The following ZBTB44 variants were observed in gnomAD, a reference collection of about 807,000 sequenced individuals.
ZBTB44 encodes zinc finger and BTB domain-containing protein 44.
A neutral mutation model predicts 54.0 loss-of-function variants in ZBTB44; 15 were observed. The ratio of observed to expected loss-of-function variants is 0.28; its 90% CI spans 0.19 to 0.43. ZBTB44 has a LOEUF of 0.43. ZBTB44 is among the 20% of genes least tolerant of loss of function. The pLI, the probability that ZBTB44 is intolerant of heterozygous loss-of-function variation, is 1.00. For synonymous variants in ZBTB44, 230 were observed against 250.1 expected (o/e 0.92, Z 0.76); for missense variants, 487 against 707.1 (o/e 0.69, Z 3.53).
intron 1 of ZBTB44, among the ~76,000 whole-genome samples, chr11:130,286,383 T>A (rs1940962048): frequency 6.6e-6 from 1 of 152,156 alleles, no homozygotes; most frequent in Non-Finnish European, 1.5e-5. Flanking sequence ...TTAAAAAAAA[T>A]CTATTAATTT....
At chr11:130,260,719 C>G in intron 2 of ZBTB44, 137 bp downstream of exon 2, 1 of 1,024,710 alleles carries the variant, frequency 9.8e-7, no homozygotes, top group Non-Finnish European at 1.4e-6. Context: ...AATAGCATCT[C>G]AAGCAAATCC....
At chr11:130,300,761 T>C (rs1029515478) in intron 1 of ZBTB44, among the ~76,000 whole-genome samples, 1 of 152,030 alleles carries the variant, frequency 6.6e-6, no homozygotes, top group African/African-American at 2.4e-5. Context: ...TATAATAGCA[T>C]ATAAGAAAAA....
Position 130,230,331 on chromosome 11 carries a change from G to GTAAC in ZBTB44, c.*1429_*1432dup, listed in dbSNP as rs1953828946. The GTAAC allele has an allele frequency of 6.6e-6, 1 of 150,722 alleles. No homozygotes were observed. The highest frequency in any genetic ancestry group is 2.4e-5 in the African/African-American group (1 of 41,096). 9.3% of individuals were successfully genotyped at this position (150,722 alleles called of 1,614,324 possible). A position where few individuals can be genotyped will look rare whatever the true frequency, so the allele number is the denominator to read the frequency against. On this transcript the variant is annotated 3_prime_UTR_variant, in exon 8 of 8. Transcript: ENST00000357899. ...CCTGAACCAGCCTATTAGTTAGAAG[G>GTAAC]TAACTGAGTTACCAATAATTATGGA...
At chr11:130,239,339 A>T (rs1565644926) in intron 3 of ZBTB44, 1 of 153,454 alleles carries the variant, frequency 6.5e-6, no homozygotes, top group Non-Finnish European at 1.4e-5. Context: ...TTTATGTGGA[A>T]ATATCAAGCA....
At chr11:130,243,244 T>C (rs1431038484) in intron 2 of ZBTB44, among the ~76,000 whole-genome samples, 1 of 152,240 alleles carries the variant, frequency 6.6e-6, no homozygotes, top group Non-Finnish European at 1.5e-5. Context: ...ATTTTTTTTT[T>C]CCTGTTGGTT....
intron 2 of ZBTB44, among the ~76,000 whole-genome samples, chr11:130,258,513 C>T (rs1173956433): frequency 6.6e-6 from 1 of 152,176 alleles, no homozygotes; most frequent in Non-Finnish European, 1.5e-5. Flanking sequence ...AGACTCCTTA[C>T]TACCTACCAC....
intron 5 of ZBTB44, chr11:130,235,974 A>C (rs1179245723): frequency 4.5e-6 from 4 of 880,892 alleles, no homozygotes; most frequent in Non-Finnish European, 5.8e-6. Flanking sequence ...TCTCAAAAAA[A>C]AAAAAAAGAA....
intron 1 of ZBTB44, among the ~76,000 whole-genome samples, chr11:130,290,879 G>T (rs904315034): frequency 4.6e-5 from 7 of 152,082 alleles, no homozygotes; most frequent in Non-Finnish European, 5.9e-5. Flanking sequence ...ATATCCTGAT[G>T]GTAAACTTTC....
At chr11:130,293,695 T>C (rs1013475527) in intron 1 of ZBTB44, among the ~76,000 whole-genome samples, 2 of 148,934 alleles carry the variant, frequency 1.3e-5, no homozygotes, top group East Asian at 2.0e-4. Flanking sequence ...ACTTGGGAGG[T>C]TGAGGCAGGA....
At chr11:130,249,490 T>C (rs1325586340) in intron 2 of ZBTB44, among the ~76,000 whole-genome samples, 1 of 152,194 alleles carries the variant, frequency 6.6e-6, no homozygotes, top group Non-Finnish European at 1.5e-5. Context: ...AGAAAGACAC[T>C]ACGTCTTGGC....
chr11:130,296,927 T>G (rs1268084426), intron 1 of ZBTB44: 1 of 736,508 alleles, frequency 1.4e-6, no homozygotes, highest in Non-Finnish European at 2.5e-6. Context: ...TCAATGGCAA[T>G]GAAGGCAAGC....
intron 1 of ZBTB44, among the ~76,000 whole-genome samples, chr11:130,297,237 A>G (rs757901724): frequency 1.3e-4 from 20 of 152,188 alleles, no homozygotes; most frequent in Non-Finnish European, 2.5e-4. Context: ...GGGATATAAA[A>G]CAGGCTCTAA....
rs1298683624 is a variant in ZBTB44 at position 130,227,799 on chromosome 11, G to C, written c.*3965C>G. On this transcript the variant is annotated 3_prime_UTR_variant, in exon 8 of 8. Coordinates refer to ENST00000357899, the MANE Select transcript of ZBTB44 (RefSeq NM_001301098.2). ...ATCAAAATTTTTTTCCTTCAAATCT[G>C]TGTCCTTTAACCAAACAACAGTTTC... 1 of 151,992 alleles carries C rather than the reference G, an allele frequency of 6.6e-6. No homozygotes were observed. Among genetic ancestry groups the C allele is most frequent in the Non-Finnish European group, 1.5e-5 (1 of 68,004 alleles). The allele number at this position is 151,992 out of a possible 1,614,324, so 9.4% of individuals were successfully genotyped here.
At chr11:130,266,800 CTT>C in intron 1 of ZBTB44, among the ~76,000 whole-genome samples, 1 of 152,288 alleles carries the variant, frequency 6.6e-6, no homozygotes, top group South Asian at 2.1e-4. Context: ...GGAGTTGCTC[CTT>C]GTGGATAAGC....
In ZBTB44 at chr11:130,261,757, G is replaced by A. The variant is rs1938875655; in HGVS notation, c.117C>T (p.Asp39=). ...CCACCTTATGTGCCCGGAAGATTTT[G>A]TCCTGGACACGAATAGTGATATCAC... ...HFCDITIRVQ[D]KIFRAHKVVL... Residue 39 remains aspartate (D), a synonymous_variant, in exon 2 of 8, where the codon GAC becomes GAT. Transcript: ENST00000357899. The surrounding 1 kb of genome is among the most constrained non-coding windows in gnomAD (Gnocchi z 4.8). 3 of 1,614,010 alleles carry A rather than the reference G, an allele frequency of 1.9e-6. No homozygotes were observed. The highest frequency in any genetic ancestry group is 2.5e-6 in the Non-Finnish European group (3 of 1,179,890).
intron 2 of ZBTB44, among the ~76,000 whole-genome samples, chr11:130,255,615 G>A (rs1177476166): frequency 7.2e-5 from 11 of 151,976 alleles, no homozygotes; most frequent in Non-Finnish European, 1.6e-4. Flanking sequence ...TCCAGGAGGT[G>A]GTGTTTTGAA....
chr11:130,272,617 G>C (rs941724815), intron 1 of ZBTB44, among the ~76,000 whole-genome samples: 7 of 151,198 alleles, frequency 4.6e-5, no homozygotes, highest in Non-Finnish European at 7.4e-5. Context: ...TTTTTCTTTT[G>C]CTGTTCATGC....
At chr11:130,271,751 TTTGGCTATTATG>T (rs1432322300) in intron 1 of ZBTB44, among the ~76,000 whole-genome samples, 1 of 152,238 alleles carries the variant, frequency 6.6e-6, no homozygotes. Flanking sequence ...GTTTCCAGTT[TTTGGCTATTATG>T]AATAATGCTG....
intron 2 of ZBTB44, among the ~76,000 whole-genome samples, chr11:130,252,715 T>G (rs1938119517): frequency 6.6e-6 from 1 of 152,180 alleles, no homozygotes; most frequent in African/African-American, 2.4e-5. Context: ...TAACTCATTT[T>G]ATGAGGCCAG....
Sources: gnomAD v4.1 joint callset for allele counts (sites outside exome capture counted in the v4.1 genomes callset) on GRCh38, gnomAD v4.1.1 for gene constraint, Gnocchi (gnomAD v3.1) non-coding constraint, MANE v1.5 for transcripts, NCBI Gene and HGNC (gene_info 2026-07-23, HGNC 2026-07-21) for gene names.